EYS: variants seen among roughly 807,000 people sequenced by gnomAD.
The protein encoded by EYS is protein eyes shut homolog.
EYS carries 250 observed loss-of-function variants against 282.1 expected under a neutral mutation model. The ratio of observed to expected loss-of-function variants is 0.89; its 90% CI spans 0.80 to 0.98. The LOEUF (loss-of-function observed/expected upper bound fraction) is 0.98, where lower values mean the gene tolerates loss of function less well. Ranked by LOEUF, EYS falls within the 50% of genes least tolerant of loss-of-function variation. The pLI is 0.00. For synonymous variants in EYS, 1,355 were observed against 1,282.9 expected, an observed-to-expected ratio of 1.06 and a Z score of -1.20; for missense variants, 4,016 against 3,709.0, an observed-to-expected ratio of 1.08 and a Z score of -2.15.
intron 22 of EYS, among the ~76,000 whole-genome samples, chr6:64,754,321 T>C (rs573568654): frequency 7.2e-5 from 11 of 151,808 alleles, no homozygotes; most frequent in African/African-American, 2.7e-4. Flanking sequence ...AACAGACCAA[T>C]AAAAAGGAGT....
At chr6:64,215,161 A>G (rs940810480) in intron 31 of EYS, among the ~76,000 whole-genome samples, 2 of 152,046 alleles carry the variant, frequency 1.3e-5, no homozygotes, top group Non-Finnish European at 2.9e-5. Context: ...GAATATATGA[A>G]ATATGAAAAT....
In EYS at chr6:64,306,965, T is replaced by C; in HGVS notation, c.6191+5A>G. On this transcript the variant is annotated splice_donor_5th_base_variant and intron_variant, in intron 30 of 42. Transcript: ENST00000503581. ...TTATTAGAAAAATCACTACTGCTATTTTACCTGCAATTGTTAATGTGATAG... is the reference window on the plus strand; with the variant it reads ...TTATTAGAAAAATCACTACTGCTATCTTACCTGCAATTGTTAATGTGATAG... The C allele has an allele frequency of 7.3e-7, 1 of 1,371,592 alleles. No homozygotes were observed. Among genetic ancestry groups the C allele is most frequent in the Non-Finnish European group, 1.0e-6 (1 of 986,492 alleles). 85.0% of individuals were successfully genotyped at this position (1,371,592 alleles called of 1,614,324 possible). A position where few individuals can be genotyped will look rare whatever the true frequency, so the allele number is the denominator to read the frequency against.
intron 2 of EYS, among the ~76,000 whole-genome samples, chr6:65,508,382 A>G (rs1023772061): frequency 7.9e-5 from 12 of 152,064 alleles, no homozygotes; most frequent in Admixed American, 1.3e-4. Context: ...GCCTTAAGAA[A>G]TGTTTCTTCT....
chr6:64,187,860 TTAATA>T (rs1199653434), intron 31 of EYS, among the ~76,000 whole-genome samples: 1 of 152,102 alleles, frequency 6.6e-6, no homozygotes, highest in Non-Finnish European at 1.5e-5. Flanking sequence ...CTCTTTGTGT[TTAATA>T]TAAGATTTCT....
chr6:65,309,538 G>T (rs999093656), intron 11 of EYS, among the ~76,000 whole-genome samples: 3 of 152,116 alleles, frequency 2.0e-5, no homozygotes, highest in Admixed American at 1.3e-4. Flanking sequence ...CTGTCACTGA[G>T]GAGCTTATAG....
chr6:65,050,263 G>A (rs1440159744), intron 13 of EYS, among the ~76,000 whole-genome samples: 1 of 151,468 alleles, frequency 6.6e-6, no homozygotes, highest in African/African-American at 2.4e-5. Context: ...CACTTACAAC[G>A]AACTAAAGGT....
At chr6:64,349,812 T>A (rs1771553051) in intron 29 of EYS, among the ~76,000 whole-genome samples, 1 of 151,504 alleles carries the variant, frequency 6.6e-6, no homozygotes, top group South Asian at 2.1e-4. Context: ...GAGCATAATA[T>A]AAGAAAAGGT....
At chr6:64,652,600 C>T (rs573755131) in intron 22 of EYS, among the ~76,000 whole-genome samples, 1 of 152,264 alleles carries the variant, frequency 6.6e-6, no homozygotes, top group African/African-American at 2.4e-5. Context: ...GAACCAGTCA[C>T]GCCATGCCTG....
At chr6:64,880,824 T>TTATA (rs200607771) in intron 19 of EYS, among the ~76,000 whole-genome samples, 71 of 148,864 alleles carry the variant, frequency 4.8e-4, no homozygotes, top group African/African-American at 1.6e-3. Context: ...ATAAGAGATT[T>TTATA]TATATATATA....
intron 22 of EYS, among the ~76,000 whole-genome samples, chr6:64,708,372 A>G (rs1771102256): frequency 6.6e-6 from 1 of 152,182 alleles, no homozygotes; most frequent in Admixed American, 6.5e-5. Context: ...CTCTCTTATT[A>G]AATAATTCAG....
intron 14 of EYS, among the ~76,000 whole-genome samples, chr6:64,971,309 AAG>A (rs1491581321): frequency 6.6e-6 from 1 of 152,018 alleles, no homozygotes; most frequent in Non-Finnish European, 1.5e-5. Flanking sequence ...GAAAAAAAAA[AAG>A]CCACAAAGGA....
chr6:64,329,083 G>A (rs888472431), intron 29 of EYS, among the ~76,000 whole-genome samples: 1 of 152,144 alleles, frequency 6.6e-6, no homozygotes, highest in African/African-American at 2.4e-5. Flanking sequence ...GACAGACCAG[G>A]CTCCATTTCA....
At chr6:64,203,718 C>A (rs1050273974) in intron 31 of EYS, among the ~76,000 whole-genome samples, 7 of 152,082 alleles carry the variant, frequency 4.6e-5, no homozygotes, top group African/African-American at 1.7e-4. Context: ...GAGGATAAAA[C>A]AATTACAGAA....
chr6:64,121,767 G>A (rs1253870906), intron 31 of EYS, among the ~76,000 whole-genome samples: 1 of 152,058 alleles, frequency 6.6e-6, no homozygotes, highest in African/African-American at 2.4e-5. Context: ...GTTTCTATTA[G>A]GTGTGACACC....
chr6:63,864,309 G>A lies in EYS; in HGVS notation c.7105C>T (p.Leu2369=), dbSNP rs2149709733. 6.4e-7 allele frequency: 1 copy of A among 1,551,634 alleles called. No individual in the cohort carries two copies. Among genetic ancestry groups the A allele is most frequent in the Non-Finnish European group, 8.7e-7 (1 of 1,146,908 alleles). The change falls in exon 36 of 43, where the codon CTG becomes TTG. Residue 2369 remains leucine (L), a synonymous_variant. Coordinates refer to ENST00000503581, the MANE Select transcript of EYS (RefSeq NM_001142800.2). ...CECPRLYSGK[L]CQFASCENNP... Reference sequence around the variant, plus strand: ...TTTTCACAACTTGCAAACTGGCACAGCTTGCCTGAATACAGCCTTGGACAC... The same window carrying A: ...TTTTCACAACTTGCAAACTGGCACAACTTGCCTGAATACAGCCTTGGACAC...
At chr6:64,739,362 T>C (rs1772290430) in intron 22 of EYS, among the ~76,000 whole-genome samples, 1 of 152,228 alleles carries the variant, frequency 6.6e-6, no homozygotes, top group African/African-American at 2.4e-5. Flanking sequence ...TAAGGACAAT[T>C]GTCTGTGTAT....
At chr6:64,436,808 A>G (rs1774767405) in intron 27 of EYS, among the ~76,000 whole-genome samples, 1 of 151,868 alleles carries the variant, frequency 6.6e-6, no homozygotes. Context: ...TATATCAGGT[A>G]TGATTAACCA....
intron 1 of EYS, among the ~76,000 whole-genome samples, chr6:65,675,090 C>T (rs2149834863): frequency 6.6e-6 from 1 of 151,052 alleles, no homozygotes; most frequent in Middle Eastern, 3.4e-3. Context: ...ATGGTAACTG[C>T]AAAGAAAATA....
intron 8 of EYS, among the ~76,000 whole-genome samples, chr6:65,372,602 G>A (rs1184687747): frequency 6.6e-6 from 1 of 151,766 alleles, no homozygotes. Context: ...TACATATGTG[G>A]TGGTGATTAG....
Sources: gnomAD v4.1 joint callset for allele counts (sites outside exome capture counted in the v4.1 genomes callset) on GRCh38, gnomAD v4.1.1 for gene constraint, MANE v1.5 for transcripts, NCBI Gene and HGNC (gene_info 2026-07-23, HGNC 2026-07-21) for gene names.